Variants in ERLIN1 observed in about 807,000 individuals in gnomAD.
ERLIN1 encodes erlin-1.
Under a neutral mutation model 46.9 loss-of-function variants are expected in ERLIN1, and 24 were observed. The ratio of observed to expected loss-of-function variants is 0.51; its 90% CI spans 0.37 to 0.72. ERLIN1 has a LOEUF of 0.72. ERLIN1 is among the 30% of genes least tolerant of loss of function. ERLIN1 has a pLI of 0.00. For missense variants in ERLIN1, 293 were observed against 417.9 expected, an observed-to-expected ratio of 0.70 and a Z score of 2.61; for synonymous variants, 158 against 143.2, an observed-to-expected ratio of 1.10 and a Z score of -0.74.
chr10:100,158,625 T>C (rs1396299163), intron 8 of ERLIN1, among the ~76,000 whole-genome samples: 1 of 152,024 alleles, frequency 6.6e-6, no homozygotes, highest in Non-Finnish European at 1.5e-5. Context: ...AAGTGTTTAC[T>C]GTAAGGATTA....
intron 4 of ERLIN1, among the ~76,000 whole-genome samples, chr10:100,177,722 A>G (rs866832699): frequency 1.5e-4 from 23 of 152,232 alleles, no homozygotes; most frequent in African/African-American, 5.1e-4. Context: ...CCCCACGTTG[A>G]AGGCTTTCAG....
At position 100,186,009 on chromosome 10, in the gene ERLIN1, G is replaced by A; in HGVS notation, c.-383C>T. 1 of 419,478 alleles carries A rather than the reference G, an allele frequency of 2.4e-6. No homozygotes were observed. Among genetic ancestry groups the A allele is most frequent in the Non-Finnish European group, 4.2e-6 (1 of 238,970 alleles). The allele number at this position is 419,478 out of a possible 1,614,324, so 26.0% of individuals were successfully genotyped here. ...GCCCGCACGTGCAGCCGACTCCCGC[G>A]CCGAGCCAACCGCCGCCAACAGCCG... On this transcript the variant is annotated 5_prime_UTR_variant, in exon 1 of 11. Transcript: ENST00000421367.
At chr10:100,161,136 C>T (rs182124304) in intron 8 of ERLIN1, among the ~76,000 whole-genome samples, 30 of 152,120 alleles carry the variant, frequency 2.0e-4, no homozygotes, top group African/African-American at 6.7e-4. Flanking sequence ...AGCAGTAAGA[C>T]AGGAAGAAAT....
chr10:100,178,206 G>GA lies in ERLIN1; in HGVS notation c.243-13dup. On this transcript the variant is annotated splice_polypyrimidine_tract_variant and intron_variant, in intron 3 of 10. Coordinates refer to ENST00000421367, the MANE Select transcript of ERLIN1 (RefSeq NM_006459.4). ...TCATGACCCCACCACTAAAAACAAA[G>GA]AAAAAAAGTGTGAACTACTAAAGGC... The GA allele has an allele frequency of 6.5e-7, 1 of 1,549,014 alleles. No individual in the cohort carries two copies.
rs191684641 is a variant in ERLIN1, at chr10:100,167,870, G to A, written c.505-464C>T. Among the ~76,000 whole-genome samples the A allele has an allele frequency of 5.3e-3, 803 of 152,340 alleles. 4 individuals are homozygous for A. Among genetic ancestry groups the A allele is most frequent in the Admixed American group, 7.4e-3 (113 of 15,300 alleles). On this transcript the variant is annotated intron_variant, in intron 6 of 10. Transcript: ENST00000421367. ...TACAATTTAATACAGTGAGTAGTGA[G>A]TAAATTAATCTATCACTTCCAACCC...
At chr10:100,165,860 G>C (rs1843609637) in intron 7 of ERLIN1, among the ~76,000 whole-genome samples, 2 of 151,964 alleles carry the variant, frequency 1.3e-5, no homozygotes, top group East Asian at 3.9e-4. Flanking sequence ...CCAGTAGCTG[G>C]GATTATAGGT....
chr10:100,177,159 A>G (rs1844359369), intron 4 of ERLIN1, among the ~76,000 whole-genome samples: 1 of 152,144 alleles, frequency 6.6e-6, no homozygotes, highest in Admixed American at 6.6e-5. Flanking sequence ...CCATTAATAA[A>G]TACTTAATGA....
chr10:100,157,603 C>T (rs1000518486), intron 8 of ERLIN1, among the ~76,000 whole-genome samples: 19 of 152,184 alleles, frequency 1.2e-4, no homozygotes, highest in South Asian at 6.2e-4. Flanking sequence ...GTATGCTTTA[C>T]GAACTGCTCC....
Position 100,185,948 on chromosome 10 carries a change from C to T in ERLIN1, c.-322G>A. 1 of 466,200 alleles carries T rather than the reference C, an allele frequency of 2.1e-6. No individual in the cohort carries two copies. Among genetic ancestry groups the T allele is most frequent in the Non-Finnish European group, 3.8e-6 (1 of 265,630 alleles). The allele number at this position is 466,200 out of a possible 1,614,324, so 28.9% of individuals were successfully genotyped here. A position where few individuals can be genotyped will look rare whatever the true frequency, so the allele number is the denominator to read the frequency against. ...AGGCTCGCGAGGAAAGCCGACCCCT[C>T]GGCCGCGCCTCACCGATCAGTGACG... On this transcript the variant is annotated 5_prime_UTR_variant, in exon 1 of 11. Transcript: ENST00000421367.
chr10:100,163,325 T>C (rs1358037777), intron 8 of ERLIN1, among the ~76,000 whole-genome samples: 3 of 147,434 alleles, frequency 2.0e-5, no homozygotes, highest in East Asian at 4.0e-4. Context: ...AGTCAAAGAG[T>C]AGGACCAGTG....
chr10:100,152,354 T>C lies in ERLIN1; in HGVS notation c.826-2A>G, dbSNP rs778506214. ...CAGATATTCCGGGGTCAACTTGTGC[T>C]GTGTGGGAGCAAACAAGAGCAAAGG... On this transcript the variant is annotated splice_acceptor_variant, in intron 10 of 10. Coordinates refer to ENST00000421367, the MANE Select transcript of ERLIN1 (RefSeq NM_006459.4). LOFTEE classifies it high-confidence loss of function. The C allele has an allele frequency of 1.9e-6, 3 of 1,585,684 alleles. No homozygotes were observed. Among genetic ancestry groups the C allele is most frequent in the Non-Finnish European group, 2.6e-6 (3 of 1,153,498 alleles).
chr10:100,153,009 G>A (rs1842888478), intron 10 of ERLIN1, among the ~76,000 whole-genome samples: 2 of 152,202 alleles, frequency 1.3e-5, no homozygotes, highest in Middle Eastern at 3.2e-3. Context: ...CATCATGCCT[G>A]GTTCTCTGTT....
intron 2 of ERLIN1, among the ~76,000 whole-genome samples, chr10:100,180,017 C>T (rs994946074): frequency 1.3e-5 from 2 of 152,224 alleles, no homozygotes; most frequent in South Asian, 2.1e-4. Context: ...TTGAATCCAA[C>T]AGCAACCTTT....
intron 8 of ERLIN1, 34 bp downstream of exon 8, chr10:100,163,970 C>G: frequency 7.2e-7 from 1 of 1,388,622 alleles, no homozygotes; most frequent in Non-Finnish European, 1.0e-6. Context: ...AACAAATGTA[C>G]TTAGAGACAA....
intron 2 of ERLIN1, among the ~76,000 whole-genome samples, chr10:100,179,458 A>ATTT (rs371022068): frequency 7.0e-6 from 1 of 143,560 alleles, no homozygotes; most frequent in Non-Finnish European, 1.5e-5. Context: ...TTTTACAGCA[A>ATTT]TTTTTTTTTT....
chr10:100,169,189 GGAGA>G (rs1372751881), intron 6 of ERLIN1, among the ~76,000 whole-genome samples: 1 of 152,096 alleles, frequency 6.6e-6, no homozygotes, highest in African/African-American at 2.4e-5. Flanking sequence ...CTCCCTCACA[GGAGA>G]GAGAGCTATT....
At chr10:100,154,718 AACTG>A (rs1842983672) in intron 10 of ERLIN1, 138 bp downstream of exon 10, 1 of 660,950 alleles carries the variant, frequency 1.5e-6, no homozygotes, top group Non-Finnish European at 2.7e-6. Context: ...ATTTCTTGCT[AACTG>A]ACTAATTCTG....
chr10:100,150,463 A>G lies in ERLIN1; in HGVS notation c.*1668T>C, dbSNP rs897995531. The G allele has an allele frequency of 1.3e-5, 2 of 152,694 alleles. No individual in the cohort carries two copies. Among genetic ancestry groups the G allele is most frequent in the Admixed American group, 1.3e-4 (2 of 15,292 alleles). The allele number at this position is 152,694 out of a possible 1,614,324, so 9.5% of individuals were successfully genotyped here. ...TTCGACAGGTAAAGATTTTATTTTT[A>G]TAATTCAAAAGTTCTTTTAAGGAGA... On this transcript the variant is annotated 3_prime_UTR_variant, in exon 11 of 11. Coordinates refer to ENST00000421367, the MANE Select transcript of ERLIN1 (RefSeq NM_006459.4).
At chr10:100,181,344 T>C (rs142720977) in intron 2 of ERLIN1, among the ~76,000 whole-genome samples, 32 of 152,340 alleles carry the variant, frequency 2.1e-4, no homozygotes, top group Middle Eastern at 3.4e-3. Flanking sequence ...GGTTTTCATA[T>C]AATTTCTCCA....
Sources: allele counts gnomAD v4.1 joint callset (sites outside exome capture counted in the v4.1 genomes callset), GRCh38; gene constraint gnomAD v4.1.1; transcripts MANE v1.5; gene names NCBI Gene and HGNC (gene_info 2026-07-23, HGNC 2026-07-21).